Variants in PTCH2 observed in about 807,000 individuals in gnomAD.
PTCH2 encodes protein patched homolog 2.
In PTCH2, 96 loss-of-function variants were observed where a neutral mutation model predicts 117.9. The ratio of observed to expected loss-of-function variants is 0.81; its 90% CI spans 0.69 to 0.96. PTCH2 has a LOEUF of 0.96. PTCH2 is among the 50% of genes least tolerant of loss of function. The probability of loss-of-function intolerance (pLI) is 0.00; values close to 1 mark genes in which losing one functional copy is unlikely to be tolerated. For missense variants in PTCH2, 1,379 were observed against 1,562.5 expected (o/e 0.88, Z 1.98); for synonymous variants, 615 against 660.9 (o/e 0.93, Z 1.06).
At chr1:44,822,698 C>G in intron 21 of PTCH2, 29 bp from the exon 22 acceptor site, 1 of 1,611,224 alleles carries the variant, frequency 6.2e-7, no homozygotes, top group Non-Finnish European at 8.5e-7. Context: ...CCCAGTAAGC[C>G]CACGGGCCCC....
rs1280020218 is a variant in PTCH2 at position 44,826,407 on chromosome 1, C to A, written c.2977-20G>T. The stretch of plus-strand genomic sequence containing the variant: ...CAGCACCTGAGGGAGACAGGGCTCA[C>A]AGAGGGCTCCTGGCAGGAGGGATGA... On this transcript the variant is annotated intron_variant, in intron 18 of 21. Transcript: ENST00000372192. The surrounding 1 kb of genome is among the most constrained non-coding windows in gnomAD (Gnocchi z 5.1). 2 of 1,614,060 alleles carry A rather than the reference C, an allele frequency of 1.2e-6. No individual in the cohort carries two copies. The highest frequency in any genetic ancestry group is 2.2e-5 in the South Asian group (2 of 91,086).
chr1:44,829,857 T>C, intron 7 of PTCH2, 52 bp downstream of exon 7: 2 of 1,613,884 alleles, frequency 1.2e-6, no homozygotes, highest in South Asian at 2.2e-5. Context: ...GGCATTACAG[T>C]ATGGGTTCTC....
chr1:44,827,055 C>T lies in PTCH2; in HGVS notation c.2542G>A (p.Glu848Lys). 3.1e-6 allele frequency: 5 copies of T among 1,614,154 alleles called. No homozygotes were observed. The highest frequency in any genetic ancestry group is 4.2e-6 in the Non-Finnish European group (5 of 1,180,018). Reference sequence around the variant, plus strand: ...AAGAGCTCGGGTGGAATCAGTCCCTCTCTGTCCACCAGCTTCCTTGTGGTC... The same window carrying T: ...AAGAGCTCGGGTGGAATCAGTCCCTTTCTGTCCACCAGCTTCCTTGTGGTC... Reference protein sequence around the residue: ...QLTTRKLVDREGLIPPELFYM... With the variant: ...QLTTRKLVDRKGLIPPELFYM... Residue 848 changes from glutamate (E) to lysine (K), a missense_variant, in exon 17 of 22, where the codon GAG becomes AAG. Transcript: ENST00000372192.
chr1:44,820,970 G>A (rs763395390), downstream of PTCH2, among the ~76,000 whole-genome samples: 6 of 152,194 alleles, frequency 3.9e-5, no homozygotes, highest in Non-Finnish European at 5.9e-5. Flanking sequence ...GCATTTTAGC[G>A]TGGATTCAAT....
chr1:44,829,316 TG>T lies in PTCH2; in HGVS notation c.1216-5del, dbSNP rs1557645739. ...TGGTCACACAGGCATAGGCCAGCTG[TG>T]GGGGGAAAGGGCAGTCTCAGGGGCT... is the stretch of plus-strand genomic sequence containing the variant. On this transcript the variant is annotated splice_polypyrimidine_tract_variant and splice_region_variant and intron_variant, in intron 9 of 21. Transcript: ENST00000372192. 6.2e-7 allele frequency: 1 copy of T among 1,613,356 alleles called. No individual in the cohort carries two copies. The highest frequency in any genetic ancestry group is 8.5e-7 in the Non-Finnish European group (1 of 1,179,888).
chr1:44,841,875 C>G lies in PTCH2; in HGVS notation c.237G>C (p.Glu79Asp). 1.2e-6 allele frequency: 2 copies of G among 1,614,202 alleles called. No individual in the cohort carries two copies. The highest frequency in any genetic ancestry group is 1.7e-6 in the Non-Finnish European group (2 of 1,180,042). ...CTACCCAGAGCTGTTCCAAGTTTGTCTCAATAATGGCCATGCGGAGACCTA... is the reference window on the plus strand; with the variant it reads ...CTACCCAGAGCTGTTCCAAGTTTGTGTCAATAATGGCCATGCGGAGACCTA... ...LALGLRMAII[E>D]TNLEQLWVEV... Residue 79 changes from glutamate to aspartate, a missense_variant, in exon 2 of 22, where the codon GAG becomes GAC. Glu to Asp is a conservative substitution (Grantham distance 45). Coordinates refer to ENST00000372192, the MANE Select transcript of PTCH2 (RefSeq NM_003738.5).
Position 44,831,035 on chromosome 1 carries a change from G to A in PTCH2, c.626C>T (p.Pro209Leu), listed in dbSNP as rs372348401. Residue 209 changes from proline to leucine, a missense_variant, in exon 6 of 22, where the codon CCG (proline) becomes CTG (leucine). Physicochemically the swap from Pro to Leu is moderately conservative, Grantham distance 98. Transcript: ENST00000372192. The surrounding 1 kb of genome is among the most constrained non-coding windows in gnomAD (Gnocchi z 4.3). Reference sequence around the variant, plus strand: ...ATCCAGGTTGGTCCACTGGATATCCGGGCGGCCGCTGAGGGAAAAGCCTAT... The same window carrying A: ...ATCCAGGTTGGTCCACTGGATATCCAGGCGGCCGCTGAGGGAAAAGCCTAT... Reference protein sequence around the residue: ...QGGSAYLPGRPDIQWTNLDPE... With the variant: ...QGGSAYLPGRLDIQWTNLDPE... 1.1e-5 allele frequency: 17 copies of A among 1,610,896 alleles called. No homozygotes were observed. Among genetic ancestry groups the A allele is most frequent in the East Asian group, 8.9e-5 (4 of 44,854 alleles).
chr1:44,831,078 G>C lies in PTCH2; in HGVS notation c.618-35C>G, dbSNP rs986496382. ...AAGCCTATAGTTGGTGAGGGTCAGG[G>C]ACGAAAACCCAGGCTCCAAACTGCT... On this transcript the variant is annotated intron_variant, in intron 5 of 21. Transcript: ENST00000372192. The surrounding 1 kb of genome is among the most constrained non-coding windows in gnomAD (Gnocchi z 4.3). The C allele has an allele frequency of 6.3e-7, 1 of 1,595,724 alleles. No homozygotes were observed. Among genetic ancestry groups the C allele is most frequent in the Non-Finnish European group, 8.6e-7 (1 of 1,167,840 alleles).
intron 2 of PTCH2, among the ~76,000 whole-genome samples, chr1:44,839,352 A>C (rs551361024): frequency 1.3e-4 from 16 of 120,076 alleles, no homozygotes; most frequent in African/African-American, 4.8e-4. Context: ...ACAGAGCAAG[A>C]CTTACTCTCA....
chr1:44,832,038 C>T lies in PTCH2; in HGVS notation c.462G>A (p.Trp154Ter), dbSNP rs767453494. Residue 154 changes from tryptophan (W) to a stop codon, truncating the protein, a stop_gained, in exon 4 of 22, where the codon TGG becomes TGA. Coordinates refer to ENST00000372192, the MANE Select transcript of PTCH2 (RefSeq NM_003738.5). LOFTEE classifies it high-confidence loss of function. ...KVQVSLYGKSWDLNKICYKSG... is the reference protein window; with the variant it reads ...KVQVSLYGKS Reference sequence around the variant, plus strand: ...ACTTGTAGCAGATTTTGTTCAAATCCCAGGACCTGCAATAGCCAGGGGCAT... The same window carrying T: ...ACTTGTAGCAGATTTTGTTCAAATCTCAGGACCTGCAATAGCCAGGGGCAT... 6 of 1,613,478 alleles carry T rather than the reference C, an allele frequency of 3.7e-6. No individual in the cohort carries two copies. Among genetic ancestry groups the T allele is most frequent in the Non-Finnish European group, 5.1e-6 (6 of 1,179,506 alleles).
At chr1:44,819,989 C>G (rs140180112), downstream of PTCH2, 3 of 155,966 alleles carry the variant, frequency 1.9e-5, no homozygotes, top group East Asian at 1.9e-4. Flanking sequence ...TGAAGAGAAA[C>G]CCGAGTATAT....
Position 44,827,255 on chromosome 1 carries a change from G to C in PTCH2, c.2426C>G (p.Ser809Trp), listed in dbSNP as rs758847507. Residue 809 changes from serine to tryptophan, a missense_variant, in exon 16 of 22, where the codon TCG (serine) becomes TGG (tryptophan). Physicochemically the swap from Ser to Trp is radical, Grantham distance 177. Transcript: ENST00000372192. ...DWASGRITRH[S>W]YRNGSEDGAL... ...CCCATCCTCAGAGCCATTGCGGTAC[G>C]AGTGGCGGGTGATGCGCCCAGAAGC... 1.9e-6 allele frequency: 3 copies of C among 1,614,104 alleles called. No individual in the cohort carries two copies. The highest frequency in any genetic ancestry group is 1.7e-5 in the Admixed American group (1 of 60,036).
chr1:44,841,742 C>A, intron 2 of PTCH2, 105 bp downstream of exon 2: 1 of 1,307,010 alleles, frequency 7.7e-7, no homozygotes, highest in South Asian at 1.2e-5. Context: ...GGTGACCCTC[C>A]AGCCCCAGGG....
chr1:44,835,068 A>G (rs1356409506), intron 2 of PTCH2, among the ~76,000 whole-genome samples: 1 of 152,156 alleles, frequency 6.6e-6, no homozygotes, highest in Non-Finnish European at 1.5e-5. Flanking sequence ...TACATGAAAA[A>G]ACAACTTGTC....
At chr1:44,824,260 CTTTG>C (rs775805323) in intron 19 of PTCH2, among the ~76,000 whole-genome samples, 4 of 152,106 alleles carry the variant, frequency 2.6e-5, no homozygotes, top group Non-Finnish European at 5.9e-5. Context: ...TGCATGCTGG[CTTTG>C]TTTGTTTTCA....
intron 2 of PTCH2, among the ~76,000 whole-genome samples, chr1:44,837,652 G>C (rs1175537180): frequency 2.6e-5 from 4 of 152,090 alleles, no homozygotes; most frequent in Non-Finnish European, 5.9e-5. Flanking sequence ...CTCCCACCTT[G>C]GCCTCCCAAA....
At position 44,826,239 on chromosome 1, in the gene PTCH2, C is replaced by A; in HGVS notation, c.3114+11G>T. The A allele has an allele frequency of 6.2e-7, 1 of 1,613,556 alleles. No individual in the cohort carries two copies. Among genetic ancestry groups the A allele is most frequent in the Non-Finnish European group, 8.5e-7 (1 of 1,179,838 alleles). On this transcript the variant is annotated intron_variant, in intron 19 of 21. Coordinates refer to ENST00000372192, the MANE Select transcript of PTCH2 (RefSeq NM_003738.5). The surrounding 1 kb of genome is among the most constrained non-coding windows in gnomAD (Gnocchi z 5.1). ...AGCTGATTGGTCCCTCCCCGGGGTG[C>A]CCGTGCTCACCAGAGCCACGTGGAC...
chr1:44,828,466 C>T (rs1000520431), intron 12 of PTCH2, 40 bp downstream of exon 12: 1 of 1,614,010 alleles, frequency 6.2e-7, no homozygotes, highest in Non-Finnish European at 8.5e-7. Context: ...TGGCCTCAGC[C>T]CCACACCCAC....
chr1:44,842,896 T>G lies in PTCH2; in HGVS notation c.37A>C (p.Ser13Arg). Residue 13 changes from serine to arginine, a missense_variant, in exon 1 of 22, where the codon AGT becomes CGT. Coordinates refer to ENST00000372192, the MANE Select transcript of PTCH2 (RefSeq NM_003738.5). ...RSPPLRELPP[S>R]YTPPARTAAP... is the part of the protein sequence containing the mutation. ...GCGGTTCGAGCTGGGGGTGTGTAAC[T>G]CGGGGGCAGCTCTCTGAGGGGCGGC... The G allele has an allele frequency of 6.5e-7, 1 of 1,549,434 alleles. No homozygotes were observed. Among genetic ancestry groups the G allele is most frequent in the Non-Finnish European group, 8.7e-7 (1 of 1,145,994 alleles).
Sources: gnomAD v4.1 joint callset for allele counts (sites outside exome capture counted in the v4.1 genomes callset) on GRCh38, gnomAD v4.1.1 for gene constraint, Gnocchi (gnomAD v3.1) non-coding constraint, MANE v1.5 for transcripts, NCBI Gene and HGNC (gene_info 2026-07-23, HGNC 2026-07-21) for gene names.